TLE4: variants seen among roughly 807,000 people sequenced by gnomAD.
TLE4 encodes transducin-like enhancer protein 4.
A neutral mutation model predicts 92.8 loss-of-function variants in TLE4; 8 were observed. That is an observed-to-expected ratio of 0.09 (90% CI 0.05 to 0.16). The LOEUF is 0.16. TLE4 is among the 10% of genes least tolerant of loss of function. The probability of loss-of-function intolerance (pLI) is 1.00; values close to 1 mark genes in which losing one functional copy is unlikely to be tolerated. For missense variants in TLE4, 675 were observed against 997.6 expected (o/e 0.68, Z 4.36); for synonymous variants, 371 against 374.1 (o/e 0.99, Z 0.10).
At chr9:79,595,909 C>G (rs373029025) in intron 4 of TLE4, among the ~76,000 whole-genome samples, 2 of 150,222 alleles carry the variant, frequency 1.3e-5, no homozygotes, top group South Asian at 2.1e-4. Flanking sequence ...TGCAGTGGCA[C>G]GATCTCAGCT....
rs890371636 is a variant in TLE4 at position 79,572,671 on chromosome 9, C to G, written c.-120C>G. 3.2e-6 allele frequency: 3 copies of G among 948,218 alleles called. No individual in the cohort carries two copies. The highest frequency in any genetic ancestry group is 3.5e-5 in the African/African-American group (2 of 57,028). 58.7% of individuals were successfully genotyped at this position (948,218 alleles called of 1,614,324 possible). A position where few individuals can be genotyped will look rare whatever the true frequency, so the allele number is the denominator to read the frequency against. On this transcript the variant is annotated 5_prime_UTR_variant, in exon 1 of 20. Transcript: ENST00000376552. ...CGAGACCCGGCGGGGGCCGGGACCG[C>G]CCGAGCCGCCCCTCAGACCGAGCCG...
At chr9:79,655,137 T>A (rs1482875691) in intron 8 of TLE4, among the ~76,000 whole-genome samples, 1 of 151,874 alleles carries the variant, frequency 6.6e-6, no homozygotes, top group Non-Finnish European at 1.5e-5. Flanking sequence ...TGAGACTCTG[T>A]CTCAAAAATA....
chr9:79,600,909 C>T (rs904786399), intron 4 of TLE4, among the ~76,000 whole-genome samples: 2 of 152,114 alleles, frequency 1.3e-5, no homozygotes, highest in African/African-American at 2.4e-5. Context: ...CATGAGTAGG[C>T]CCTTTCCTTG....
intron 6 of TLE4, among the ~76,000 whole-genome samples, chr9:79,646,369 G>A (rs1216884900): frequency 6.6e-6 from 1 of 152,072 alleles, no homozygotes; most frequent in Non-Finnish European, 1.5e-5. Context: ...ATTAGATTAT[G>A]GTACTCTCAG....
At chr9:79,705,850 G>A (rs371117330) in intron 9 of TLE4, 39 bp from the exon 10 acceptor site, 2 of 1,608,556 alleles carry the variant, frequency 1.2e-6, no homozygotes, top group African/African-American at 2.7e-5. Flanking sequence ...GGTATGTTTT[G>A]TGAGGGGAGA....
rs1227139177 is a variant in TLE4, at chr9:79,572,084, GAATT to G, written c.-704_-701del. On this transcript the variant is annotated 5_prime_UTR_variant, in exon 1 of 20. Transcript: ENST00000376552. ...TGTTCGCAGAGTTTGAAAGGAGAGAGAATTAAAAAAAAAAGCCGCAAGCGTTTCA... is the reference window on the plus strand; with the variant it reads ...TGTTCGCAGAGTTTGAAAGGAGAGAGAAAAAAAAAAGCCGCAAGCGTTTCA... 6.7e-6 allele frequency: 1 copy of G among 148,736 alleles called. No individual in the cohort carries two copies. The highest frequency in any genetic ancestry group is 1.5e-5 in the Non-Finnish European group (1 of 67,356). The allele number at this position is 148,736 out of a possible 1,614,324, so 9.2% of individuals were successfully genotyped here. A position where few individuals can be genotyped will look rare whatever the true frequency, so the allele number is the denominator to read the frequency against.
At chr9:79,643,883 T>C (rs2057630499) in intron 6 of TLE4, among the ~76,000 whole-genome samples, 1 of 152,200 alleles carries the variant, frequency 6.6e-6, no homozygotes, top group South Asian at 2.1e-4. Flanking sequence ...TTCAAATTAA[T>C]ATTCTGTAAA....
In TLE4 at chr9:79,708,181, A is replaced by C; in HGVS notation, c.1000A>C (p.Thr334Pro). The C allele has an allele frequency of 6.2e-7, 1 of 1,613,920 alleles. No individual in the cohort carries two copies. The highest frequency in any genetic ancestry group is 1.3e-5 in the African/African-American group (1 of 74,958). The change falls in exon 12 of 20, where the codon ACC (threonine) becomes CCC (proline). Residue 334 changes from threonine to proline, a missense_variant. Coordinates refer to ENST00000376552, the MANE Select transcript of TLE4 (RefSeq NM_007005.6). ...CCCTACTCCACGAACTGATGCGCCC[A>C]CCCCAGGCAGTAACTCTACTCCCGG... The part of the protein sequence containing the change: ...NTPTPRTDAP[T>P]PGSNSTPGLR...
intron 7 of TLE4, among the ~76,000 whole-genome samples, chr9:79,653,699 G>A (rs550956135): frequency 6.6e-6 from 1 of 152,270 alleles, no homozygotes; most frequent in South Asian, 2.1e-4. Context: ...TATCACATAT[G>A]CATAAATATC....
chr9:79,636,240 T>C (rs1287320454), intron 6 of TLE4, among the ~76,000 whole-genome samples: 1 of 152,142 alleles, frequency 6.6e-6, no homozygotes, highest in African/African-American at 2.4e-5. Flanking sequence ...ACTGGATCAC[T>C]TGAGCGCAAG....
intron 8 of TLE4, among the ~76,000 whole-genome samples, chr9:79,694,054 C>T (rs1349603381): frequency 6.6e-6 from 1 of 152,154 alleles, no homozygotes; most frequent in Admixed American, 6.5e-5. Flanking sequence ...TCAACAACCT[C>T]TTTAGCCCAC....
At chr9:79,705,859 G>A in intron 9 of TLE4, 30 bp from the exon 10 acceptor site, 1 of 1,612,812 alleles carries the variant, frequency 6.2e-7, no homozygotes, top group Non-Finnish European at 8.5e-7. Context: ...TGTGAGGGGA[G>A]AAGATAATGC....
intron 8 of TLE4, among the ~76,000 whole-genome samples, chr9:79,675,229 G>C (rs1394584623): frequency 6.6e-6 from 1 of 151,948 alleles, no homozygotes; most frequent in Non-Finnish European, 1.5e-5. Context: ...GGATTAAGTA[G>C]GGACCACTTG....
intron 6 of TLE4, among the ~76,000 whole-genome samples, chr9:79,637,398 G>A (rs932141127): frequency 1.3e-5 from 2 of 152,114 alleles, no homozygotes; most frequent in Admixed American, 1.3e-4. Context: ...TGGCAGGACT[G>A]GGATCCAAAC....
chr9:79,607,674 G>C (rs1249157106), intron 4 of TLE4, among the ~76,000 whole-genome samples: 1 of 152,146 alleles, frequency 6.6e-6, no homozygotes, highest in Admixed American at 6.5e-5. Context: ...TCAAAGGTCA[G>C]ATGGTTGGTT....
chr9:79,650,538 T>C (rs2058781807), intron 6 of TLE4, among the ~76,000 whole-genome samples: 1 of 152,226 alleles, frequency 6.6e-6, no homozygotes, highest in Non-Finnish European at 1.5e-5. Flanking sequence ...TATTTTGTTT[T>C]CTTCATAGAC....
chr9:79,681,451 G>A (rs1192492334), intron 8 of TLE4, among the ~76,000 whole-genome samples: 1 of 152,112 alleles, frequency 6.6e-6, no homozygotes, highest in Non-Finnish European at 1.5e-5. Context: ...TAGCAGAAGC[G>A]AAGGTTCATT....
intron 9 of TLE4, 34 bp from the exon 10 acceptor site, chr9:79,705,855 G>C: frequency 6.2e-7 from 1 of 1,611,038 alleles, no homozygotes; most frequent in African/African-American, 1.3e-5. Context: ...GTTTTGTGAG[G>C]GGAGAAGATA....
chr9:79,594,677 TC>T (rs1245369143), intron 4 of TLE4, among the ~76,000 whole-genome samples: 1 of 152,214 alleles, frequency 6.6e-6, no homozygotes, highest in East Asian at 1.9e-4. Context: ...CTTCGTTCAC[TC>T]CACTCCGACA....
Sources: gnomAD v4.1 joint callset for allele counts (sites outside exome capture counted in the v4.1 genomes callset) on GRCh38, gnomAD v4.1.1 for gene constraint, MANE v1.5 for transcripts, NCBI Gene and HGNC (gene_info 2026-07-23, HGNC 2026-07-21) for gene names.